TENM1: variants seen among roughly 807,000 people sequenced by gnomAD.
TENM1 encodes teneurin-1.
A neutral mutation model predicts 174.8 loss-of-function variants in TENM1; 35 were observed. The observed-to-expected ratio is 0.20, with a 90% CI of 0.15 to 0.27. The LOEUF (loss-of-function observed/expected upper bound fraction) is 0.27. Ranked by LOEUF, TENM1 falls within the 10% of genes least tolerant of loss-of-function variation. The probability of loss-of-function intolerance (pLI) is 1.00; values close to 1 mark genes in which losing one functional copy is unlikely to be tolerated. For synonymous variants in TENM1, 781 were observed against 798.7 expected (o/e 0.98, Z 0.37); for missense variants, 1,633 against 2,130.1 (o/e 0.77, Z 4.59).
chrX:124,399,793 C>T (rs890307408), intron 27 of TENM1, among the ~76,000 whole-genome samples: 11 of 110,604 alleles, frequency 9.9e-5, no homozygotes, highest in Non-Finnish European at 1.5e-4. Context: ...ATGGCAAGAC[C>T]CTGTCTTTAC....
At chrX:124,881,934 G>A (rs1046464048) in intron 3 of TENM1, among the ~76,000 whole-genome samples, 4 of 111,287 alleles carry the variant, frequency 3.6e-5, no homozygotes, top group African/African-American at 6.5e-5. Context: ...TCACTGTGTC[G>A]GCCAGGCTGG....
the TENM1 span, among the ~76,000 whole-genome samples, chrX:125,079,785 C>T: frequency 9.0e-6 from 1 of 111,308 alleles, no homozygotes; most frequent in African/African-American, 3.3e-5. Flanking sequence ...GGAGGCTTTC[C>T]TCAGAAGCTC....
chrX:124,404,146 C>T (rs1039681612), intron 27 of TENM1, among the ~76,000 whole-genome samples: 2 of 111,325 alleles, frequency 1.8e-5, no homozygotes, highest in African/African-American at 6.5e-5. Flanking sequence ...TTTGCGGCAC[C>T]GAAACTTTAT....
intron 29 of TENM1, among the ~76,000 whole-genome samples, chrX:124,385,073 T>C (rs2060203278): frequency 8.9e-6 from 1 of 112,522 alleles, no homozygotes; most frequent in Admixed American, 9.4e-5. Flanking sequence ...TCTATAGTTA[T>C]AGAAAATTTT....
At chrX:124,618,566 CTTTT>C (rs2148322831) in intron 11 of TENM1, among the ~76,000 whole-genome samples, 1 of 111,119 alleles carries the variant, frequency 9.0e-6, no homozygotes, top group East Asian at 2.8e-4. Flanking sequence ...ATGCTAACTT[CTTTT>C]TTGTTTGCTT....
At chrX:125,036,467 T>C in the TENM1 span, among the ~76,000 whole-genome samples, 3 of 111,559 alleles carry the variant, frequency 2.7e-5, no homozygotes, top group African/African-American at 9.8e-5. Flanking sequence ...AGACAAAGAC[T>C]GTGTAGAGTT....
At position 124,506,702 on chromosome X, in the gene TENM1, C is replaced by A. The variant is rs939941231; in HGVS notation, c.3302-2999G>T. ...AGGCAAAGTTTCTTTCTCACAGCAG[C>A]CCACTTTAACATAATCCTGGAACTT... On this transcript the variant is annotated intron_variant, in intron 18 of 31. Coordinates refer to ENST00000422452, the Ensembl canonical transcript of TENM1. Among the ~76,000 whole-genome samples the A allele has an allele frequency of 1.6e-4, 18 of 111,273 alleles. 1 individual carries two copies. Among genetic ancestry groups the A allele is most frequent in the Admixed American group, 1.2e-3 (12 of 10,407 alleles).
chrX:124,565,662 T>C lies in TENM1; in HGVS notation c.2078-102A>G, dbSNP rs1377006641. 6 of 503,536 alleles carry C rather than the reference T, an allele frequency of 1.2e-5. No individual in the cohort carries two copies. The East Asian group carries it at 1.9e-4, about 16-fold the overall frequency. The allele number at this position is 503,536 out of a possible 1,213,427, so 41.5% of individuals were successfully genotyped here. On this transcript the variant is annotated intron_variant, in intron 11 of 31. Coordinates refer to ENST00000422452, the Ensembl canonical transcript of TENM1. Reference sequence around the variant, plus strand: ...TACCAAAAATCCCTGTCTATATTTATATTTTATTTATTTATTATTTTAATA... The same window carrying C: ...TACCAAAAATCCCTGTCTATATTTACATTTTATTTATTTATTATTTTAATA...
intron 15 of TENM1, among the ~76,000 whole-genome samples, chrX:124,536,254 C>G: frequency 9.0e-6 from 1 of 111,312 alleles, no homozygotes; most frequent in East Asian, 2.8e-4. Context: ...TTTCCATGTT[C>G]TGAAAATTCA....
the TENM1 span, among the ~76,000 whole-genome samples, chrX:125,032,331 G>A: frequency 5.5e-5 from 6 of 109,923 alleles, no homozygotes; most frequent in Non-Finnish European, 9.5e-5. Context: ...CACCACACCC[G>A]GCTAATTTTT....
the TENM1 span, among the ~76,000 whole-genome samples, chrX:125,140,077 C>T: frequency 9.0e-6 from 1 of 111,599 alleles, no homozygotes; most frequent in Admixed American, 9.6e-5. Context: ...AGAAACAAAG[C>T]ATCCAGCACA....
chrX:124,651,919 G>C (rs2051318981), exon 8 of TENM1: 1 of 1,204,948 alleles, frequency 8.3e-7, no homozygotes, highest in South Asian at 1.8e-5. Flanking sequence ...CTTACCAATT[G>C]CTGTAGTTAA....
intron 3 of TENM1, among the ~76,000 whole-genome samples, chrX:124,848,377 G>A (rs974863768): frequency 6.3e-5 from 7 of 110,787 alleles, no homozygotes; most frequent in South Asian, 3.8e-4. Flanking sequence ...CATCTGCAAC[G>A]ACCTCTATTG....
chrX:124,993,045 C>A, the TENM1 span, among the ~76,000 whole-genome samples: 1 of 110,795 alleles, frequency 9.0e-6, no homozygotes, highest in East Asian at 2.8e-4. Flanking sequence ...CCAGTGTAAG[C>A]TAAGACTTGA....
chrX:125,134,137 G>C, the TENM1 span, among the ~76,000 whole-genome samples: 1 of 111,460 alleles, frequency 9.0e-6, no homozygotes, highest in African/African-American at 3.3e-5. Context: ...TATTAATCTT[G>C]TCTCAAAGGT....
At chrX:125,151,828 C>T in the TENM1 span, among the ~76,000 whole-genome samples, 1 of 111,714 alleles carries the variant, frequency 9.0e-6, no homozygotes, top group African/African-American at 3.3e-5. Flanking sequence ...ATGCACAGGA[C>T]AGACCCTCAC....
At chrX:124,685,470 G>A (rs1415483275) in intron 5 of TENM1, among the ~76,000 whole-genome samples, 2 of 111,211 alleles carry the variant, frequency 1.8e-5, no homozygotes, top group South Asian at 3.8e-4. Flanking sequence ...GAGCTCAAAG[G>A]CAGGTCATCT....
At chrX:124,813,563 C>A (rs1569453187) in intron 3 of TENM1, among the ~76,000 whole-genome samples, 1 of 111,528 alleles carries the variant, frequency 9.0e-6, no homozygotes, top group East Asian at 2.8e-4. Flanking sequence ...TTGAGAAGTA[C>A]TGGTTAAATA....
intron 8 of TENM1, among the ~76,000 whole-genome samples, chrX:124,651,477 T>C (rs1569366536): frequency 8.9e-6 from 1 of 112,147 alleles, no homozygotes; most frequent in African/African-American, 3.2e-5. Context: ...GCCCTAATGC[T>C]TCTAGAACCA....
Sources: allele counts gnomAD v4.1 joint callset (sites outside exome capture counted in the v4.1 genomes callset), GRCh38; gene constraint gnomAD v4.1.1; transcripts MANE v1.5; gene names NCBI Gene and HGNC (gene_info 2026-07-23, HGNC 2026-07-21).